RBKS: variants seen among roughly 807,000 people sequenced by gnomAD.
RBKS encodes the protein ribokinase.
A neutral mutation model predicts 33.9 loss-of-function variants in RBKS; 33 were observed. That is an observed-to-expected ratio of 0.97 (90% CI 0.74 to 1.30). RBKS has a LOEUF of 1.30. Ranked by LOEUF, RBKS falls within the 50% of genes most tolerant of loss-of-function variation. The pLI is 0.00. For synonymous variants in RBKS, 125 were observed against 143.0 expected (o/e 0.87, Z 0.90); for missense variants, 361 against 392.6 (o/e 0.92, Z 0.68).
At chr2:27,817,075 A>G (rs919081371) in intron 7 of RBKS, among the ~76,000 whole-genome samples, 5 of 152,196 alleles carry the variant, frequency 3.3e-5, no homozygotes, top group African/African-American at 1.2e-4. Context: ...AGGGAGGGTA[A>G]GCGACTCTTA....
intron 7 of RBKS, among the ~76,000 whole-genome samples, chr2:27,787,222 C>A (rs1205097579): frequency 6.6e-6 from 1 of 152,050 alleles, no homozygotes; most frequent in East Asian, 1.9e-4. Flanking sequence ...TCCCAGCACA[C>A]TGGGAGCAAG....
At chr2:27,875,169 G>A (rs905169919) in intron 1 of RBKS, among the ~76,000 whole-genome samples, 1 of 152,128 alleles carries the variant, frequency 6.6e-6, no homozygotes, top group Non-Finnish European at 1.5e-5. Context: ...CAGGAAATAG[G>A]CCTTTTTCAT....
chr2:27,858,825 C>T (rs1663916237), intron 1 of RBKS, among the ~76,000 whole-genome samples: 1 of 152,190 alleles, frequency 6.6e-6, no homozygotes, highest in African/African-American at 2.4e-5. Flanking sequence ...TGTTGTACTG[C>T]ATCAGGGTTA....
At chr2:27,876,125 C>A (rs1001554605) in intron 1 of RBKS, among the ~76,000 whole-genome samples, 1 of 152,076 alleles carries the variant, frequency 6.6e-6, no homozygotes, top group Non-Finnish European at 1.5e-5. Flanking sequence ...TCCAGCAATC[C>A]CACTTTTGGG....
intron 7 of RBKS, among the ~76,000 whole-genome samples, chr2:27,791,649 A>ACACACACACACAC (rs1456963977): frequency 7.6e-5 from 4 of 52,536 alleles, no homozygotes; most frequent in African/African-American, 2.2e-4. Context: ...CACACTAAAT[A>ACACACACACACAC]TACATATACA....
chr2:27,849,595 A>G (rs13033981), intron 2 of RBKS, among the ~76,000 whole-genome samples: 3 of 133,246 alleles, frequency 2.3e-5, no homozygotes, highest in South Asian at 4.7e-4. Context: ...AAGAAAAAGA[A>G]AAAAAGAAAA....
chr2:27,813,255 C>G (rs1678026974), intron 7 of RBKS, among the ~76,000 whole-genome samples: 1 of 152,126 alleles, frequency 6.6e-6, no homozygotes, highest in South Asian at 2.1e-4. Flanking sequence ...AATTATAAAA[C>G]ATGTGACAAA....
intron 1 of RBKS, among the ~76,000 whole-genome samples, chr2:27,878,391 T>G (rs887249871): frequency 6.6e-6 from 1 of 151,010 alleles, no homozygotes; most frequent in Non-Finnish European, 1.5e-5. Context: ...TAGTATTCCA[T>G]GGTGTATATG....
chr2:27,807,575 T>G (rs989951321), intron 7 of RBKS, among the ~76,000 whole-genome samples: 2 of 152,116 alleles, frequency 1.3e-5, no homozygotes, highest in African/African-American at 4.8e-5. Context: ...AGATGAGGTC[T>G]CTCTATTGTT....
intron 7 of RBKS, 135 bp downstream of exon 7, chr2:27,827,432 T>C: frequency 1.4e-6 from 1 of 699,284 alleles, no homozygotes. Flanking sequence ...TTCCCCTGCC[T>C]GGTTGTTCTT....
At chr2:27,816,244 TG>T (rs1260798326) in intron 7 of RBKS, among the ~76,000 whole-genome samples, 1 of 152,246 alleles carries the variant, frequency 6.6e-6, no homozygotes, top group Non-Finnish European at 1.5e-5. Flanking sequence ...GAATTCTGCC[TG>T]ATTAGCTAAT....
At chr2:27,814,050 G>A (rs1387496576) in intron 7 of RBKS, among the ~76,000 whole-genome samples, 2 of 151,486 alleles carry the variant, frequency 1.3e-5, no homozygotes, top group East Asian at 1.9e-4. Flanking sequence ...AAAGTGAGAC[G>A]CCAGCTCTAG....
intron 1 of RBKS, among the ~76,000 whole-genome samples, chr2:27,881,350 G>C (rs986652818): frequency 1.3e-5 from 2 of 152,012 alleles, no homozygotes; most frequent in African/African-American, 2.4e-5. Context: ...AGACCAGCCT[G>C]GTCAACATGG....
At chr2:27,846,994 G>A (rs1663634317) in intron 4 of RBKS, 48 bp downstream of exon 4, 2 of 1,326,174 alleles carry the variant, frequency 1.5e-6, no homozygotes, top group East Asian at 2.3e-5. Flanking sequence ...TCTAACTCTG[G>A]AAATACACTG....
Position 27,827,717 on chromosome 2 carries a change from T to C in RBKS, c.645A>G (p.Ala215=), listed in dbSNP as rs745585733. The change falls in exon 7 of 8, where the codon GCA becomes GCG. Residue 215 remains alanine, a synonymous_variant. Transcript: ENST00000302188. Reference sequence around the variant, plus strand: ...GCACTAATGCAGCCTCCCCAGCATCTGCAGCGCTGCCCACCGTGAGGCCAG... The same window carrying C: ...GCACTAATGCAGCCTCCCCAGCATCCGCAGCGCTGCCCACCGTGAGGCCAG... ...ILTGLTVGSA[A]DAGEAALVLL... The C allele has an allele frequency of 6.2e-7, 1 of 1,611,028 alleles. No individual in the cohort carries two copies. The highest frequency in any genetic ancestry group is 1.7e-5 in the Admixed American group (1 of 59,148).
intron 1 of RBKS, among the ~76,000 whole-genome samples, chr2:27,879,092 G>A (rs907086801): frequency 6.6e-6 from 1 of 152,158 alleles, no homozygotes; most frequent in Non-Finnish European, 1.5e-5. Flanking sequence ...TTGCTTCTGT[G>A]TGTAACCCCA....
chr2:27,814,007 G>C (rs1167700191), intron 7 of RBKS, among the ~76,000 whole-genome samples: 1 of 151,898 alleles, frequency 6.6e-6, no homozygotes, highest in Non-Finnish European at 1.5e-5. Flanking sequence ...ATTGCTTGAA[G>C]CCAGGAAGGA....
chr2:27,806,301 C>G (rs1182556233), intron 7 of RBKS, among the ~76,000 whole-genome samples: 1 of 152,178 alleles, frequency 6.6e-6, no homozygotes, highest in African/African-American at 2.4e-5. Context: ...GAGACACATC[C>G]ATAAGGCCAT....
chr2:27,800,049 C>CTTTTTTTT (rs35932747), intron 7 of RBKS, among the ~76,000 whole-genome samples: 1 of 112,370 alleles, frequency 8.9e-6, no homozygotes, highest in African/African-American at 3.4e-5. Context: ...TGTTAGGTGT[C>CTTTTTTTT]TTTTTTTTTT....
Sources: gnomAD v4.1 joint callset for allele counts (sites outside exome capture counted in the v4.1 genomes callset) on GRCh38, gnomAD v4.1.1 for gene constraint, MANE v1.5 for transcripts, NCBI Gene and HGNC (gene_info 2026-07-23, HGNC 2026-07-21) for gene names.